The following RPS6KA5 variants were observed in gnomAD, a reference collection of about 807,000 sequenced individuals.
The protein encoded by RPS6KA5 is ribosomal protein S6 kinase A5.
Under a neutral mutation model 85.5 loss-of-function variants are expected in RPS6KA5, and 27 were observed. That is an observed-to-expected ratio of 0.32 (90% CI 0.23 to 0.44). The LOEUF is 0.44. Among genes scored for constraint, RPS6KA5 ranks in the 20% least tolerant of loss-of-function variants. The pLI, the probability that RPS6KA5 is intolerant of heterozygous loss-of-function variation, is 1.00. For synonymous variants in RPS6KA5, 334 were observed against 348.2 expected (o/e 0.96, Z 0.46); for missense variants, 811 against 980.9 (o/e 0.83, Z 2.31).
At position 91,060,379 on chromosome 14, in the gene RPS6KA5, C is replaced by T. The variant is rs776541777; in HGVS notation, c.56G>A (p.Gly19Asp). The T allele has an allele frequency of 9.9e-6, 15 of 1,508,394 alleles. No individual in the cohort carries two copies. The Admixed American group carries it at 2.4e-4, about 24-fold the overall frequency. 93.4% of individuals were successfully genotyped at this position (1,508,394 alleles called of 1,614,324 possible). A position where few individuals can be genotyped will look rare whatever the true frequency, so the allele number is the denominator to read the frequency against. Residue 19 changes from glycine (G) to aspartate (D), a missense_variant, in exon 1 of 17, where the codon GGC becomes GAC. Physicochemically the swap from Gly to Asp is moderately conservative, Grantham distance 94. Around this residue, in one of 3 missense-constraint regions of RPS6KA5, gnomAD observed 113 missense variants for 100.0 expected, o/e 1.13. Coordinates refer to ENST00000614987, the MANE Select transcript of RPS6KA5 (RefSeq NM_004755.4). Reference sequence around the variant, plus strand: ...AGTGAGGAGCTGCTCTCCTCCGTCGCCGCCGTCCGCGCTGGTCCCCGCGGC... The same window carrying T: ...AGTGAGGAGCTGCTCTCCTCCGTCGTCGCCGTCCGCGCTGGTCCCCGCGGC... ...GGAAGTSADG[G>D]DGGEQLLTVK...
At chr14:90,955,686 T>C (rs1303643070) in intron 3 of RPS6KA5, among the ~76,000 whole-genome samples, 1 of 152,172 alleles carries the variant, frequency 6.6e-6, no homozygotes. Context: ...CTAGAGAATG[T>C]TGCATCTGTA....
intron 3 of RPS6KA5, among the ~76,000 whole-genome samples, chr14:90,975,926 T>A (rs1173663164): frequency 6.6e-6 from 1 of 152,202 alleles, no homozygotes; most frequent in Non-Finnish European, 1.5e-5. Flanking sequence ...CACTGTGGAA[T>A]GAATATGTTG....
rs961151341 is a variant in RPS6KA5, at chr14:90,857,846, T to C, written c.*14228A>G. The C allele has an allele frequency of 2.0e-5, 3 of 152,204 alleles. No homozygotes were observed. The highest frequency in any genetic ancestry group is 7.2e-5 in the African/African-American group (3 of 41,448). 9.4% of individuals were successfully genotyped at this position (152,204 alleles called of 1,614,324 possible). On this transcript the variant is annotated 3_prime_UTR_variant, in exon 17 of 17. Transcript: ENST00000614987. ...AAGTGCCAAAGTGACACAGATCTTA[T>C]CTTAAATATTGTTATATTGCTTGTG...
At chr14:90,885,227 T>A (rs1453885686) in intron 14 of RPS6KA5, among the ~76,000 whole-genome samples, 2 of 141,630 alleles carry the variant, frequency 1.4e-5, no homozygotes, top group African/African-American at 5.4e-5. Flanking sequence ...CACTTCAGCC[T>A]GGGCAACAGA....
chr14:90,977,688 T>C (rs2039625726), intron 3 of RPS6KA5, among the ~76,000 whole-genome samples: 1 of 152,196 alleles, frequency 6.6e-6, no homozygotes, highest in African/African-American at 2.4e-5. Flanking sequence ...CACCAATCAG[T>C]TCCTCACATT....
In RPS6KA5 at chr14:91,044,190, G is replaced by A. The variant is rs140694946; in HGVS notation, c.103+16142C>T. 6.2e-3 allele frequency among the ~76,000 whole-genome samples: 940 copies of A among 151,354 alleles called. 6 individuals are homozygous for A. Among genetic ancestry groups the A allele is most frequent in the African/African-American group, 0.02 (812 of 41,170 alleles). ...TGCAGTGAGTCGAGATCGCGCCATT[G>A]CACTCTGGCCTGGGCAACAAGAGTA... On this transcript the variant is annotated intron_variant, in intron 1 of 16. Coordinates refer to ENST00000614987, the MANE Select transcript of RPS6KA5 (RefSeq NM_004755.4).
At chr14:90,978,650 C>G in intron 2 of RPS6KA5, 126 bp from the exon 3 acceptor site, 3 of 650,348 alleles carry the variant, frequency 4.6e-6, no homozygotes, top group Non-Finnish European at 7.6e-6. Context: ...CCCTTGGTAC[C>G]AGTTCAAATA....
chr14:90,949,995 T>C, intron 3 of RPS6KA5, among the ~76,000 whole-genome samples: 1 of 152,222 alleles, frequency 6.6e-6, no homozygotes, highest in East Asian at 1.9e-4. Context: ...TTGTAAGTTG[T>C]ACAGCAAACT....
chr14:91,058,326 T>A (rs190882824), intron 1 of RPS6KA5, among the ~76,000 whole-genome samples: 1 of 152,350 alleles, frequency 6.6e-6, no homozygotes, highest in African/African-American at 2.4e-5. Context: ...TTGAAGCTGA[T>A]GATTCACACA....
chr14:90,885,164 G>A (rs2034108161), intron 14 of RPS6KA5, among the ~76,000 whole-genome samples: 1 of 151,034 alleles, frequency 6.6e-6, no homozygotes, highest in Non-Finnish European at 1.5e-5. Flanking sequence ...GAAGCAAGAG[G>A]ATCACCTCAG....
rs539388386 is a variant in RPS6KA5, at chr14:90,871,778, C to A, written c.*296G>T. On this transcript the variant is annotated 3_prime_UTR_variant, in exon 17 of 17. Transcript: ENST00000614987. ...AGACATCTGGAAAACCTGTGACTTACAAGCAGCTCAAATCTAGCCCTAATT... is the reference window on the plus strand; with the variant it reads ...AGACATCTGGAAAACCTGTGACTTAAAAGCAGCTCAAATCTAGCCCTAATT... 2 of 233,888 alleles carry A rather than the reference C, an allele frequency of 8.6e-6. No individual in the cohort carries two copies. Among genetic ancestry groups the A allele is most frequent in the South Asian group, 2.0e-4 (2 of 9,810 alleles). 14.5% of individuals were successfully genotyped at this position (233,888 alleles called of 1,614,324 possible).
chr14:90,961,523 C>G (rs1036517626), intron 3 of RPS6KA5, among the ~76,000 whole-genome samples: 1 of 152,098 alleles, frequency 6.6e-6, no homozygotes, highest in African/African-American at 2.4e-5. Context: ...AAGACAGCTT[C>G]CAAGTATTTA....
chr14:90,870,701 T>A lies in RPS6KA5; in HGVS notation c.*1373A>T, dbSNP rs2033041313. The A allele has an allele frequency of 1.3e-5, 2 of 152,344 alleles. No individual in the cohort carries two copies. Among genetic ancestry groups the A allele is most frequent in the Non-Finnish European group, 2.9e-5 (2 of 67,950 alleles). The allele number at this position is 152,344 out of a possible 1,614,324, so 9.4% of individuals were successfully genotyped here. Reference sequence around the variant, plus strand: ...AATAAACATGTTGGGCATTATCTCTTTAAGCATGATTCCTGTAAACAAAGC... The same window carrying A: ...AATAAACATGTTGGGCATTATCTCTATAAGCATGATTCCTGTAAACAAAGC... On this transcript the variant is annotated 3_prime_UTR_variant, in exon 17 of 17. Coordinates refer to ENST00000614987, the MANE Select transcript of RPS6KA5 (RefSeq NM_004755.4).
intron 15 of RPS6KA5, 82 bp from the exon 16 acceptor site, chr14:90,873,877 T>C: frequency 8.3e-7 from 1 of 1,210,332 alleles, no homozygotes; most frequent in East Asian, 2.3e-5. Flanking sequence ...ATCTCAGCTA[T>C]GTTCACATGA....
At position 90,858,848 on chromosome 14, in the gene RPS6KA5, A is replaced by G. The variant is rs564679466; in HGVS notation, c.*13226T>C. ...TAATCCCACTTGGTTGAAGAGACAA[A>G]AGTTGGAGCTTGGGAAAGTAGCTAG... On this transcript the variant is annotated 3_prime_UTR_variant, in exon 17 of 17. Coordinates refer to ENST00000614987, the MANE Select transcript of RPS6KA5 (RefSeq NM_004755.4). The G allele has an allele frequency of 7.9e-5, 12 of 152,314 alleles. No homozygotes were observed. The East Asian group carries it at 2.3e-3, about 29-fold the overall frequency. The allele number at this position is 152,314 out of a possible 1,614,324, so 9.4% of individuals were successfully genotyped here.
intron 14 of RPS6KA5, among the ~76,000 whole-genome samples, chr14:90,887,531 T>TA (rs2034303231): frequency 6.6e-6 from 1 of 151,752 alleles, no homozygotes; most frequent in South Asian, 2.1e-4. Context: ...GTATCACATC[T>TA]AAAAAAAATT....
rs569052602 is a variant in RPS6KA5 at position 90,866,136 on chromosome 14, C to A, written c.*5938G>T. Reference sequence around the variant, plus strand: ...CACACCATAGAAAAGCAGAAAAATACGAGAAAAAGTGCATGTACGGAGTAT... The same window carrying A: ...CACACCATAGAAAAGCAGAAAAATAAGAGAAAAAGTGCATGTACGGAGTAT... On this transcript the variant is annotated 3_prime_UTR_variant, in exon 17 of 17. Coordinates refer to ENST00000614987, the MANE Select transcript of RPS6KA5 (RefSeq NM_004755.4). 1 of 152,090 alleles carries A rather than the reference C, an allele frequency of 6.6e-6. No homozygotes were observed. Among genetic ancestry groups the A allele is most frequent in the African/African-American group, 2.4e-5 (1 of 41,494 alleles). The allele number at this position is 152,090 out of a possible 1,614,324, so 9.4% of individuals were successfully genotyped here.
At chr14:90,971,565 T>C (rs528232282) in intron 3 of RPS6KA5, among the ~76,000 whole-genome samples, 1 of 152,332 alleles carries the variant, frequency 6.6e-6, no homozygotes, top group South Asian at 2.1e-4. Flanking sequence ...GTCTATTCCG[T>C]ATCTGGTTAC....
chr14:90,894,342 T>TC (rs2034717014), intron 13 of RPS6KA5, 71 bp downstream of exon 13: 5 of 1,411,794 alleles, frequency 3.5e-6, no homozygotes, highest in Admixed American at 2.5e-5. Context: ...CCCAGAAACT[T>TC]CCCCCATGTT....
Sources: gnomAD v4.1 joint callset for allele counts (sites outside exome capture counted in the v4.1 genomes callset) on GRCh38, gnomAD v4.1.1 for gene constraint, gnomAD v4.1.1 regional missense constraint, MANE v1.5 for transcripts, NCBI Gene and HGNC (gene_info 2026-07-23, HGNC 2026-07-21) for gene names.